Variants in SLC9A3 observed in about 807,000 individuals in gnomAD.
SLC9A3 encodes the protein sodium/hydrogen exchanger 3.
A neutral mutation model predicts 86.8 loss-of-function variants in SLC9A3; 37 were observed. That is an observed-to-expected ratio of 0.43 (90% CI 0.33 to 0.56). The LOEUF is 0.56. Among genes scored for constraint, SLC9A3 ranks in the 20% least tolerant of loss-of-function variants. SLC9A3 has a pLI of 0.06. For synonymous variants in SLC9A3, 581 were observed against 528.3 expected (o/e 1.10, Z -1.37); for missense variants, 1,011 against 1,171.9 (o/e 0.86, Z 2.00).
intron 1 of SLC9A3, among the ~76,000 whole-genome samples, chr5:512,154 G>C (rs1733570886): frequency 6.6e-6 from 1 of 152,206 alleles, no homozygotes; most frequent in South Asian, 2.1e-4. Context: ...GGGCAGTGAA[G>C]CTCCTCTGGA....
In SLC9A3 at chr5:471,357, C is replaced by T. The variant is rs189777545; in HGVS notation, c.*2022G>A. 9.7e-6 allele frequency: 2 copies of T among 206,496 alleles called. No individual in the cohort carries two copies. Among genetic ancestry groups the T allele is most frequent in the Admixed American group, 5.3e-5 (1 of 18,966 alleles). 12.8% of individuals were successfully genotyped at this position (206,496 alleles called of 1,614,324 possible). A position where few individuals can be genotyped will look rare whatever the true frequency, so the allele number is the denominator to read the frequency against. On this transcript the variant is annotated 3_prime_UTR_variant, in exon 17 of 17. Transcript: ENST00000264938. ...GGCCCAAGGGTCCAGGGGAGTTGTT[C>T]AGCGCCTGGAATCGCCATGCATTGC...
intron 2 of SLC9A3, among the ~76,000 whole-genome samples, chr5:488,802 C>T (rs1320675641): frequency 6.6e-6 from 1 of 152,326 alleles, no homozygotes; most frequent in Non-Finnish European, 1.5e-5. Context: ...GGGCCCATCG[C>T]CTGGAGTGGC....
At position 520,737 on chromosome 5, in the gene SLC9A3, C is replaced by T. The variant is rs1007677675; in HGVS notation, c.211+3375G>A. Among the ~76,000 whole-genome samples the T allele has an allele frequency of 3.3e-5, 5 of 152,088 alleles. No homozygotes were observed. The South Asian group carries it at 1.0e-3, about 32-fold the overall frequency. ...CTAGGCCTCCTCCTCTGGCTTCTGACACCCCCGCCTCCCTCTCCTTCCAGG... is the reference window on the plus strand; with the variant it reads ...CTAGGCCTCCTCCTCTGGCTTCTGATACCCCCGCCTCCCTCTCCTTCCAGG... On this transcript the variant is annotated intron_variant, in intron 1 of 16. Transcript: ENST00000264938.
chr5:482,805 C>T (rs1443397962), intron 6 of SLC9A3, 55 bp from the exon 7 acceptor site: 3 of 1,412,174 alleles, frequency 2.1e-6, no homozygotes, highest in Non-Finnish European at 2.9e-6. Flanking sequence ...AGCCGCGGGA[C>T]CCCAGCCCCT....
At position 479,950 on chromosome 5, in the gene SLC9A3, G is replaced by A. The variant is rs1476036043; in HGVS notation, c.1533C>T (p.Asp511=). The change falls in exon 10 of 17, where the codon GAC becomes GAT. Residue 511 remains aspartate (D), a synonymous_variant. Transcript: ENST00000264938. The stretch of plus-strand genomic sequence containing the variant: ...TGAGGACCCTGCTGAGGAACTTCCT[G>A]TCGAAGTGGGACCACCTGTAGGGAC... The part of the protein sequence containing the change: ...NYLRDKWSHF[D]RKFLSRVLMR... 6.2e-7 allele frequency: 1 copy of A among 1,613,838 alleles called. No individual in the cohort carries two copies.
intron 1 of SLC9A3, among the ~76,000 whole-genome samples, chr5:516,922 C>A (rs143811349): frequency 1.2e-4 from 18 of 152,336 alleles, no homozygotes; most frequent in African/African-American, 3.8e-4. Flanking sequence ...GCTGAGACAG[C>A]CTCTTCCTGG....
In SLC9A3 at chr5:471,503, G is replaced by T; in HGVS notation, c.*1876C>A. On this transcript the variant is annotated 3_prime_UTR_variant, in exon 17 of 17. Coordinates refer to ENST00000264938, the MANE Select transcript of SLC9A3 (RefSeq NM_004174.4). ...GCAGTTCAGATGGGACAAACTGGGG[G>T]CCTGTCAGAACAGCCACTTGTGCCG... 2.9e-6 allele frequency: 1 copy of T among 343,364 alleles called. No homozygotes were observed. The allele number at this position is 343,364 out of a possible 1,614,324, so 21.3% of individuals were successfully genotyped here. A position where few individuals can be genotyped will look rare whatever the true frequency, so the allele number is the denominator to read the frequency against.
intron 16 of SLC9A3, 107 bp from the exon 17 acceptor site, chr5:473,489 C>G: frequency 1.0e-6 from 1 of 984,326 alleles, no homozygotes; most frequent in East Asian, 3.4e-5. Flanking sequence ...CTCGCCTCCC[C>G]TCCCGCGGCG....
rs751932646 is a variant in SLC9A3 at position 481,645 on chromosome 5, G to A, written c.1447-10C>T. ...GGATGTGGTCGAAAGCCTTTCAAGG[G>A]AAGAAAGACATGAGCGTCTCGGGGC... is the stretch of plus-strand genomic sequence containing the variant. On this transcript the variant is annotated splice_polypyrimidine_tract_variant and intron_variant, in intron 8 of 16. Transcript: ENST00000264938. 5 of 1,612,668 alleles carry A rather than the reference G, an allele frequency of 3.1e-6. No individual in the cohort carries two copies. The South Asian group carries it at 5.5e-5, about 18-fold the overall frequency.
chr5:523,025 CACCA>C (rs1733930459), intron 1 of SLC9A3, among the ~76,000 whole-genome samples: 1 of 152,182 alleles, frequency 6.6e-6, no homozygotes, highest in African/African-American at 2.4e-5. Flanking sequence ...AGCTGAAAGA[CACCA>C]GGGCGAGGAG....
intron 2 of SLC9A3, among the ~76,000 whole-genome samples, chr5:490,792 G>A (rs566157740): frequency 3.9e-5 from 6 of 152,332 alleles, no homozygotes; most frequent in African/African-American, 1.4e-4. Context: ...CCCACGTGAC[G>A]GGCCTGCCAT....
rs1274645242 is a variant in SLC9A3, at chr5:491,882, C to G, written c.401G>C (p.Arg134Pro). 1.2e-6 allele frequency: 2 copies of G among 1,610,612 alleles called. No homozygotes were observed. The highest frequency in any genetic ancestry group is 1.7e-6 in the Non-Finnish European group (2 of 1,179,032). Reference sequence around the variant, plus strand: ...GGTCCCCAGGTTGCCGAAGAAGAGGCGGTTGGGCATGAAGTAGCCGGCGTC... The same window carrying G: ...GGTCCCCAGGTTGCCGAAGAAGAGGGGGTTGGGCATGAAGTAGCCGGCGTC... ...VLDAGYFMPN[R>P]LFFGNLGTIL... Residue 134 changes from arginine to proline, a missense_variant, in exon 2 of 17, where the codon CGC becomes CCC. Coordinates refer to ENST00000264938, the MANE Select transcript of SLC9A3 (RefSeq NM_004174.4). This position sits in a 1 kb window ranked among gnomAD's most constrained non-coding sequence, Gnocchi z 9.2.
chr5:482,925 G>A lies in SLC9A3; in HGVS notation c.1154-175C>T, dbSNP rs900842288. On this transcript the variant is annotated intron_variant, in intron 6 of 16. Coordinates refer to ENST00000264938, the MANE Select transcript of SLC9A3 (RefSeq NM_004174.4). ...TCACCATCCACCCGGAGCCACACGC[G>A]GCCTGGCGTCTCCCCCCCACGCTCC... Among the ~76,000 whole-genome samples the A allele has an allele frequency of 5.3e-5, 8 of 151,204 alleles. No homozygotes were observed. In the East Asian group the frequency reaches 7.8e-4, roughly 15 times the overall value.
chr5:508,407 C>T (rs1363527685), intron 1 of SLC9A3, among the ~76,000 whole-genome samples: 1 of 126,592 alleles, frequency 7.9e-6, no homozygotes, highest in Non-Finnish European at 1.7e-5. Context: ...CCTCAGCGCG[C>T]CCGGGGATGG....
intron 10 of SLC9A3, chr5:478,391 T>TG (rs1242955661): frequency 1.3e-5 from 2 of 152,454 alleles, no homozygotes; most frequent in Admixed American, 1.3e-4. Context: ...CCCGGGCACG[T>TG]GGGGTCTTCG....
chr5:483,154 C>A, intron 6 of SLC9A3, 108 bp downstream of exon 6: 1 of 869,070 alleles, frequency 1.2e-6, no homozygotes, highest in Non-Finnish European at 1.8e-6. Flanking sequence ...CTCTGCCTTG[C>A]ACGGGGCTGC....
chr5:475,741 TC>T, intron 14 of SLC9A3, 70 bp from the exon 15 acceptor site: 1 of 881,354 alleles, frequency 1.1e-6, no homozygotes, highest in Non-Finnish European at 1.9e-6. Context: ...GTCAGCAGTG[TC>T]CATCAGCTCT....
chr5:476,575 G>C lies in SLC9A3; in HGVS notation c.1858C>G (p.Leu620Val). Residue 620 changes from leucine to valine, a missense_variant, in exon 12 of 17, where the codon CTA becomes GTA. Coordinates refer to ENST00000264938, the MANE Select transcript of SLC9A3 (RefSeq NM_004174.4). Reference protein sequence around the residue: ...DAEDMVTHHTLQQYLYKPRQE... With the variant: ...DAEDMVTHHTVQQYLYKPRQE... ...CGCGGCTTGTACAGGTACTGCTGTA[G>C]CGTGTGGTGCGTGACCATGTCCTCC... 6.2e-7 allele frequency: 1 copy of C among 1,611,420 alleles called. No homozygotes were observed. Among genetic ancestry groups the C allele is most frequent in the Non-Finnish European group, 8.5e-7 (1 of 1,179,882 alleles).
intron 8 of SLC9A3, among the ~76,000 whole-genome samples, 184 bp from the exon 9 acceptor site, chr5:481,819 C>G (rs1440981160): frequency 7.2e-6 from 1 of 138,082 alleles, no homozygotes; most frequent in Non-Finnish European, 1.6e-5. Flanking sequence ...TCCGCCACCC[C>G]CCAAGCCCCA....
Sources: gnomAD v4.1 joint callset for allele counts (sites outside exome capture counted in the v4.1 genomes callset) on GRCh38, gnomAD v4.1.1 for gene constraint, Gnocchi (gnomAD v3.1) non-coding constraint, MANE v1.5 for transcripts, NCBI Gene and HGNC (gene_info 2026-07-23, HGNC 2026-07-21) for gene names.